IL1RAP: variants seen among roughly 807,000 people sequenced by gnomAD.
IL1RAP encodes the protein interleukin-1 receptor accessory protein.
Under a neutral mutation model 60.7 loss-of-function variants are expected in IL1RAP, and 35 were observed. The ratio of observed to expected loss-of-function variants is 0.58; its 90% CI spans 0.44 to 0.76. The LOEUF is 0.76. Among genes scored for constraint, IL1RAP ranks in the 30% least tolerant of loss-of-function variants. The probability of loss-of-function intolerance (pLI) is 0.00; values close to 1 mark genes in which losing one functional copy is unlikely to be tolerated. For synonymous variants in IL1RAP, 268 were observed against 250.9 expected, an observed-to-expected ratio of 1.07 and a Z score of -0.64; for missense variants, 572 against 693.9, an observed-to-expected ratio of 0.82 and a Z score of 1.97.
At chr3:190,611,127 G>T (rs994060151) in intron 5 of IL1RAP, among the ~76,000 whole-genome samples, 1 of 152,050 alleles carries the variant, frequency 6.6e-6, no homozygotes, top group Non-Finnish European at 1.5e-5. Flanking sequence ...AAAATTTAAT[G>T]ATCCAATTAG....
intron 9 of IL1RAP, among the ~76,000 whole-genome samples, chr3:190,638,799 G>T (rs966213838): frequency 1.3e-5 from 2 of 151,816 alleles, no homozygotes; most frequent in Non-Finnish European, 2.9e-5. Context: ...ATATCCAGTT[G>T]TTCCAGCACA....
intron 1 of IL1RAP, among the ~76,000 whole-genome samples, chr3:190,526,343 A>G (rs922261906): frequency 7.9e-5 from 12 of 152,206 alleles, no homozygotes; most frequent in African/African-American, 2.9e-4. Context: ...TAATCATTAT[A>G]CTATTCTGCT....
intron 1 of IL1RAP, among the ~76,000 whole-genome samples, chr3:190,549,372 A>G (rs992271537): frequency 1.3e-5 from 2 of 152,182 alleles, no homozygotes; most frequent in East Asian, 1.9e-4. Flanking sequence ...ATAAAGATGG[A>G]GACCAATCTT....
chr3:190,622,085 C>A (rs1731826094), intron 6 of IL1RAP, among the ~76,000 whole-genome samples: 1 of 152,118 alleles, frequency 6.6e-6, no homozygotes, highest in South Asian at 2.1e-4. Flanking sequence ...ACTTATTTAA[C>A]CAGCTTCCAT....
At chr3:190,607,491 G>C (rs9874992) in intron 4 of IL1RAP, among the ~76,000 whole-genome samples, 121 of 152,110 alleles carry the variant, frequency 8.0e-4, no homozygotes, top group African/African-American at 2.9e-3. Flanking sequence ...ATAAGCGTAC[G>C]TATCTATAAC....
intron 1 of IL1RAP, among the ~76,000 whole-genome samples, chr3:190,535,179 A>C (rs767495729): frequency 6.6e-6 from 1 of 152,184 alleles, no homozygotes; most frequent in Non-Finnish European, 1.5e-5. Flanking sequence ...CTCATTTGAC[A>C]TATCAACCCT....
At chr3:190,591,100 TCAA>T (rs1463985637) in intron 3 of IL1RAP, among the ~76,000 whole-genome samples, 1 of 152,188 alleles carries the variant, frequency 6.6e-6, no homozygotes, top group Non-Finnish European at 1.5e-5. Context: ...AGCTTAAACA[TCAA>T]CAACATTTGT....
At chr3:190,563,234 G>A (rs888218864) in intron 2 of IL1RAP, among the ~76,000 whole-genome samples, 1 of 152,152 alleles carries the variant, frequency 6.6e-6, no homozygotes, top group African/African-American at 2.4e-5. Context: ...TAGGCTATTT[G>A]AGATAATAAT....
In IL1RAP at chr3:190,650,383, T is replaced by C. The variant is rs1734323094; in HGVS notation, c.*1678T>C. The C allele has an allele frequency of 6.1e-6, 6 of 985,454 alleles. No individual in the cohort carries two copies. Among genetic ancestry groups the C allele is most frequent in the Non-Finnish European group, 7.2e-6 (6 of 829,934 alleles). 61.0% of individuals were successfully genotyped at this position (985,454 alleles called of 1,614,324 possible). ...GCAGTAGCCAGCCATCGGGCATTAA[T>C]TGATTTCCTACTATATTCCCAGCAG... On this transcript the variant is annotated 3_prime_UTR_variant, in exon 12 of 12. Transcript: ENST00000447382.
At chr3:190,631,825 A>T (rs973940839) in intron 9 of IL1RAP, among the ~76,000 whole-genome samples, 1 of 152,014 alleles carries the variant, frequency 6.6e-6, no homozygotes, top group Non-Finnish European at 1.5e-5. Context: ...TTTGAGACAC[A>T]GTTTTACTCT....
intron 9 of IL1RAP, 173 bp downstream of exon 9, chr3:190,629,671 A>G: frequency 7.4e-7 from 1 of 1,344,670 alleles, no homozygotes; most frequent in Non-Finnish European, 9.6e-7. Context: ...TCTATGTAAG[A>G]TACTCAAAAT....
At chr3:190,633,192 A>T (rs567104340) in intron 9 of IL1RAP, among the ~76,000 whole-genome samples, 1 of 152,326 alleles carries the variant, frequency 6.6e-6, no homozygotes, top group African/African-American at 2.4e-5. Flanking sequence ...TTGAAATCTT[A>T]ACAATACTGT....
chr3:190,529,400 A>G lies in IL1RAP; in HGVS notation c.-89+15181A>G, dbSNP rs572072614. On this transcript the variant is annotated intron_variant, in intron 1 of 11. Transcript: ENST00000447382. ...GAAACCCCTTCTCTACTAAAAATACAAAAATGGCCGGGCGTGGTGGCTCAT... is the reference window on the plus strand; with the variant it reads ...GAAACCCCTTCTCTACTAAAAATACGAAAATGGCCGGGCGTGGTGGCTCAT... Among the ~76,000 whole-genome samples, 23 of 152,120 alleles carry G rather than the reference A, an allele frequency of 1.5e-4. No individual in the cohort carries two copies. The South Asian group carries it at 4.8e-3, about 32-fold the overall frequency.
intron 4 of IL1RAP, among the ~76,000 whole-genome samples, chr3:190,605,334 A>G (rs539253888): frequency 2.6e-5 from 4 of 151,436 alleles, no homozygotes; most frequent in South Asian, 2.1e-4. Flanking sequence ...GTTTTTGGGG[A>G]AAAAAACAAA....
intron 7 of IL1RAP, among the ~76,000 whole-genome samples, chr3:190,626,270 A>G (rs1732254411): frequency 6.6e-6 from 1 of 152,188 alleles, no homozygotes; most frequent in African/African-American, 2.4e-5. Context: ...AAAATACCTT[A>G]TGGTGCTTTT....
rs1252350636 is a variant in IL1RAP at position 190,564,357 on chromosome 3, A to G, written c.64+4A>G. On this transcript the variant is annotated splice_donor_region_variant and intron_variant, in intron 3 of 11. Transcript: ENST00000447382. ...ATCCTGCAAAGTGATGCCTCAGGTA[A>G]GTGAATGGCTTTTGACAATGTATTA... The G allele has an allele frequency of 6.2e-7, 1 of 1,601,012 alleles. No individual in the cohort carries two copies. Among genetic ancestry groups the G allele is most frequent in the South Asian group, 1.1e-5 (1 of 90,850 alleles).
chr3:190,559,284 G>A (rs1173198564), intron 2 of IL1RAP, among the ~76,000 whole-genome samples: 2 of 151,914 alleles, frequency 1.3e-5, no homozygotes, highest in African/African-American at 2.4e-5. Context: ...CTTACTTAAC[G>A]TATCACCTGG....
At chr3:190,522,451 C>G (rs1022113726) in intron 1 of IL1RAP, among the ~76,000 whole-genome samples, 1 of 150,842 alleles carries the variant, frequency 6.6e-6, no homozygotes, top group African/African-American at 2.5e-5. Flanking sequence ...ATCTATCTAT[C>G]TATCTATCTA....
rs573934754 is a variant in IL1RAP, at chr3:190,607,673, G to A, written c.351-1322G>A. On this transcript the variant is annotated intron_variant, in intron 4 of 11. Coordinates refer to ENST00000447382, the MANE Select transcript of IL1RAP (RefSeq NM_002182.4). ...CCTCCAGGCAGACGGAACAACGTGTGTGAACATTATAGCACCAATGTAATT... is the reference window on the plus strand; with the variant it reads ...CCTCCAGGCAGACGGAACAACGTGTATGAACATTATAGCACCAATGTAATT... Among the ~76,000 whole-genome samples, 11 of 152,328 alleles carry A rather than the reference G, an allele frequency of 7.2e-5. No individual in the cohort carries two copies. The South Asian group carries it at 2.1e-3, about 29-fold the overall frequency.
Sources: gnomAD v4.1 joint callset for allele counts (sites outside exome capture counted in the v4.1 genomes callset) on GRCh38, gnomAD v4.1.1 for gene constraint, MANE v1.5 for transcripts, NCBI Gene and HGNC (gene_info 2026-07-23, HGNC 2026-07-21) for gene names.